The following ZNF407 variants were observed in gnomAD, a reference collection of about 807,000 sequenced individuals.
The protein encoded by ZNF407 is zinc finger protein 407.
In ZNF407, 17 loss-of-function variants were observed where a neutral mutation model predicts 131.2. The ratio of observed to expected loss-of-function variants is 0.13; its 90% CI spans 0.09 to 0.19. The LOEUF is 0.19. ZNF407 is among the 10% of genes least tolerant of loss of function. The pLI, the probability that ZNF407 is intolerant of heterozygous loss-of-function variation, is 1.00. For missense variants in ZNF407, 2,681 were observed against 2,830.6 expected (o/e 0.95, Z 1.20); for synonymous variants, 1,156 against 1,062.0 (o/e 1.09, Z -1.72).
At chr18:74,939,320 T>C (rs966245289) in intron 8 of ZNF407, among the ~76,000 whole-genome samples, 3 of 152,286 alleles carry the variant, frequency 2.0e-5, no homozygotes, top group Admixed American at 6.5e-5. Context: ...TCTTTATATA[T>C]TGACAGATAA....
intron 7 of ZNF407, among the ~76,000 whole-genome samples, chr18:74,914,130 T>C (rs1267218841): frequency 6.6e-6 from 1 of 152,236 alleles, no homozygotes; most frequent in Non-Finnish European, 1.5e-5. Context: ...TGCTGAGCCC[T>C]GCAGGAATCC....
intron 8 of ZNF407, among the ~76,000 whole-genome samples, chr18:74,954,259 A>C (rs1356605732): frequency 6.6e-6 from 1 of 152,254 alleles, no homozygotes; most frequent in Non-Finnish European, 1.5e-5. Flanking sequence ...TGGGAGAAAC[A>C]GACAAAATGT....
Position 74,633,097 on chromosome 18 carries a change from A to G in ZNF407, c.2078A>G (p.His693Arg), listed in dbSNP as rs1984216953. ...GAACCTCTGAAGTCCAGGGTAAGCC[A>G]TGGTAATGAAGTGAGGCATTCCAGT... is the stretch of plus-strand genomic sequence containing the variant. ...QEEPLKSRVSHGNEVRHSSKP... is the reference protein window; with the variant it reads ...QEEPLKSRVSRGNEVRHSSKP... Residue 693 changes from histidine to arginine, a missense_variant, in exon 2 of 9, where the codon CAT (histidine) becomes CGT (arginine). By Grantham distance (29) the His-to-Arg change is conservative. This residue lies in a region of ZNF407 where 1,789 missense variants were observed against 1,748.7 expected (regional missense o/e 1.02). Coordinates refer to ENST00000299687, the MANE Select transcript of ZNF407 (RefSeq NM_017757.3). 8.1e-6 allele frequency: 13 copies of G among 1,613,732 alleles called. No homozygotes were observed. The highest frequency in any genetic ancestry group is 1.0e-5 in the Non-Finnish European group (12 of 1,179,880).
chr18:75,064,666 C>G lies in ZNF407; in HGVS notation c.*198C>G. 1 of 499,680 alleles carries G rather than the reference C, an allele frequency of 2.0e-6. No homozygotes were observed. Among genetic ancestry groups the G allele is most frequent in the Non-Finnish European group, 3.4e-6 (1 of 296,936 alleles). 31.0% of individuals were successfully genotyped at this position (499,680 alleles called of 1,614,324 possible). Reference sequence around the variant, plus strand: ...ACAGAGGGTACCGTGGGCTGGGCCTCGGGGAGCAGGCTGCCAAGTGCAGGG... The same window carrying G: ...ACAGAGGGTACCGTGGGCTGGGCCTGGGGGAGCAGGCTGCCAAGTGCAGGG... On this transcript the variant is annotated 3_prime_UTR_variant, in exon 9 of 9. Transcript: ENST00000299687.
chr18:74,652,994 G>T (rs73971125), intron 3 of ZNF407, among the ~76,000 whole-genome samples: 3,882 of 151,946 alleles, frequency 0.026, 140 homozygotes, highest in African/African-American at 0.083. Context: ...GTTGAAAAAC[G>T]GAAAATTCTA....
intron 4 of ZNF407, among the ~76,000 whole-genome samples, chr18:74,781,964 G>A (rs1305374053): frequency 6.6e-6 from 1 of 152,156 alleles, no homozygotes; most frequent in African/African-American, 2.4e-5. Context: ...CAGTTGCCAT[G>A]TCATGAAAAA....
chr18:74,816,134 T>G (rs1320356558), intron 4 of ZNF407, among the ~76,000 whole-genome samples: 4 of 152,322 alleles, frequency 2.6e-5, no homozygotes, highest in South Asian at 4.1e-4. Flanking sequence ...GTTCTGCCAC[T>G]TCTCTTTGGT....
intron 3 of ZNF407, among the ~76,000 whole-genome samples, chr18:74,721,338 A>C (rs1195754299): frequency 6.6e-6 from 1 of 152,296 alleles, no homozygotes; most frequent in East Asian, 1.9e-4. Flanking sequence ...GGAACAAGAC[A>C]ACGATGCCCA....
At chr18:74,913,748 A>C (rs1971707255) in intron 7 of ZNF407, among the ~76,000 whole-genome samples, 1 of 152,160 alleles carries the variant, frequency 6.6e-6, no homozygotes, top group Non-Finnish European at 1.5e-5. Flanking sequence ...ATAAACATCA[A>C]ATTTTTTACA....
At chr18:74,709,495 T>G (rs551397011) in intron 3 of ZNF407, among the ~76,000 whole-genome samples, 1 of 152,362 alleles carries the variant, frequency 6.6e-6, no homozygotes, top group African/African-American at 2.4e-5. Context: ...AATGTATTAA[T>G]GTACAATGAT....
Position 74,602,850 on chromosome 18 carries a change from A to G in ZNF407, c.-54+4913A>G, listed in dbSNP as rs529728568. On this transcript the variant is annotated intron_variant, in intron 1 of 8. Coordinates refer to ENST00000299687, the MANE Select transcript of ZNF407 (RefSeq NM_017757.3). ...GTTAGTAGAGATCCAGAAGGGTAGG[A>G]TAAACACATTGCCCTGGTCCTGCTG... 4.6e-5 allele frequency among the ~76,000 whole-genome samples: 7 copies of G among 152,260 alleles called. No individual in the cohort carries two copies. The South Asian group carries it at 1.0e-3, about 23-fold the overall frequency.
chr18:74,971,416 G>T (rs1277897290), intron 8 of ZNF407, among the ~76,000 whole-genome samples: 1 of 152,152 alleles, frequency 6.6e-6, no homozygotes, highest in Non-Finnish European at 1.5e-5. Context: ...ACCTTTAACA[G>T]TACTCAAGTC....
intron 3 of ZNF407, among the ~76,000 whole-genome samples, chr18:74,745,115 A>C (rs1323951813): frequency 6.6e-6 from 1 of 152,132 alleles, no homozygotes; most frequent in Non-Finnish European, 1.5e-5. Context: ...TTGGGTGGGA[A>C]ATACCATGTA....
intron 3 of ZNF407, among the ~76,000 whole-genome samples, chr18:74,664,956 T>G (rs1985874789): frequency 6.6e-6 from 1 of 152,160 alleles, no homozygotes; most frequent in Non-Finnish European, 1.5e-5. Context: ...TGAGTTCGGG[T>G]TCTGCCAATT....
intron 4 of ZNF407, among the ~76,000 whole-genome samples, chr18:74,843,649 A>C (rs1330233149): frequency 6.6e-6 from 1 of 152,186 alleles, no homozygotes; most frequent in Non-Finnish European, 1.5e-5. Flanking sequence ...TACTGGAGGG[A>C]ATGAGATTAT....
intron 3 of ZNF407, among the ~76,000 whole-genome samples, chr18:74,685,613 C>T (rs991837737): frequency 2.6e-5 from 4 of 152,178 alleles, no homozygotes; most frequent in South Asian, 4.1e-4. Context: ...GCTGTTCTCC[C>T]GGGACACCCC....
intron 3 of ZNF407, among the ~76,000 whole-genome samples, chr18:74,700,491 G>A (rs1967466941): frequency 6.6e-6 from 1 of 152,162 alleles, no homozygotes; most frequent in East Asian, 1.9e-4. Context: ...CCTCCATCAA[G>A]GGCAGGTGGA....
intron 8 of ZNF407, among the ~76,000 whole-genome samples, chr18:75,040,508 C>T (rs190869430): frequency 2.0e-5 from 3 of 152,112 alleles, no homozygotes; most frequent in Non-Finnish European, 2.9e-5. Context: ...CAGTGTGTTC[C>T]GCATTTACAG....
chr18:74,855,351 CATA>C (rs761483459), intron 4 of ZNF407, among the ~76,000 whole-genome samples: 6 of 152,082 alleles, frequency 3.9e-5, no homozygotes, highest in Non-Finnish European at 7.4e-5. Flanking sequence ...AAATGTGATC[CATA>C]ATAATAAAGC....
Sources: allele counts gnomAD v4.1 joint callset (sites outside exome capture counted in the v4.1 genomes callset), GRCh38; gene constraint gnomAD v4.1.1; regional missense constraint gnomAD v4.1.1; transcripts MANE v1.5; gene names NCBI Gene and HGNC (gene_info 2026-07-23, HGNC 2026-07-21).